Variants in DERL2 observed in about 807,000 individuals in gnomAD.
The protein encoded by DERL2 is derlin-2.
A neutral mutation model predicts 32.0 loss-of-function variants in DERL2; 13 were observed. That is an observed-to-expected ratio of 0.41 (90% CI 0.26 to 0.65). DERL2 has a LOEUF of 0.65. DERL2 is among the 30% of genes least tolerant of loss of function. The pLI is 0.35. For synonymous variants in DERL2, 111 were observed against 104.7 expected (o/e 1.06, Z -0.37); for missense variants, 208 against 296.3 (o/e 0.70, Z 2.19).
chr17:5,480,198 G>GAGTCA, intron 5 of DERL2, 54 bp from the exon 6 acceptor site: 1 of 1,337,410 alleles, frequency 7.5e-7, no homozygotes, highest in Non-Finnish European at 1.1e-6. Flanking sequence ...TTAGATTGCA[G>GAGTCA]GTAGACCTAC....
upstream of DERL2, chr17:5,486,356 G>GCCC (rs150601778): frequency 9.6e-4 from 363 of 379,896 alleles, 2 homozygotes; most frequent in East Asian, 4.8e-3. Flanking sequence ...CGTCGCCACC[G>GCCC]CCCCCCCCCA....
intron 4 of DERL2, chr17:5,480,887 T>A (rs1905732654): frequency 2.1e-6 from 1 of 465,298 alleles, no homozygotes; most frequent in East Asian, 3.4e-5. Context: ...TGCTCACGAT[T>A]AGCACCTTTA....
intron 6 of DERL2, among the ~76,000 whole-genome samples, chr17:5,478,684 C>G (rs943552439): frequency 6.6e-6 from 1 of 152,140 alleles, no homozygotes; most frequent in Non-Finnish European, 1.5e-5. Flanking sequence ...GAAGAGAAAA[C>G]CAAGCACTAA....
At position 5,472,119 on chromosome 17, in the gene DERL2, T is replaced by C. The variant is rs1437113495; in HGVS notation, c.*2565A>G. The C allele has an allele frequency of 1.3e-5, 2 of 152,246 alleles. No homozygotes were observed. The highest frequency in any genetic ancestry group is 4.8e-5 in the African/African-American group (2 of 41,458). 9.4% of individuals were successfully genotyped at this position (152,246 alleles called of 1,614,324 possible). Reference sequence around the variant, plus strand: ...ATGTATCTCCTAAGGAGATGCAATTTGTATGTCCATTTATTTTTAAATGAA... The same window carrying C: ...ATGTATCTCCTAAGGAGATGCAATTCGTATGTCCATTTATTTTTAAATGAA... On this transcript the variant is annotated 3_prime_UTR_variant, in exon 7 of 7. Transcript: ENST00000158771.
In DERL2 at chr17:5,481,212, G is replaced by C. The variant is rs1905758114; in HGVS notation, c.327+84C>G. ...GATAGTGCCCTGAAGCTAAGATCTA[G>C]AGAACTGTGGGAGACAGATGACAAG... is the stretch of plus-strand genomic sequence containing the variant. On this transcript the variant is annotated intron_variant, in intron 4 of 6. Coordinates refer to ENST00000158771, the MANE Select transcript of DERL2 (RefSeq NM_016041.5). This position sits in a 1 kb window ranked among gnomAD's most constrained non-coding sequence, Gnocchi z 4.4. 2 of 999,926 alleles carry C rather than the reference G, an allele frequency of 2.0e-6. No homozygotes were observed. Among genetic ancestry groups the C allele is most frequent in the South Asian group, 1.3e-5 (1 of 76,240 alleles). The allele number at this position is 999,926 out of a possible 1,614,324, so 61.9% of individuals were successfully genotyped here.
rs1192227824 is a variant in DERL2, at chr17:5,474,884, TAGGTAAGC to T, written c.615-103_615-96del. The T allele has an allele frequency of 5.8e-5, 43 of 745,308 alleles. No homozygotes were observed. The highest frequency in any genetic ancestry group is 8.9e-5 in the Non-Finnish European group (41 of 462,296). The allele number at this position is 745,308 out of a possible 1,614,324, so 46.2% of individuals were successfully genotyped here. A position where few individuals can be genotyped will look rare whatever the true frequency, so the allele number is the denominator to read the frequency against. On this transcript the variant is annotated intron_variant, in intron 6 of 6. Transcript: ENST00000158771. This position sits in a 1 kb window ranked among gnomAD's most constrained non-coding sequence, Gnocchi z 4.3. Reference sequence around the variant, plus strand: ...TCAGGCCCCATAGGGTTTCCACCAATAGGTAAGCATTACACCTGCCTGCCAATTAAACA... The same window carrying T: ...TCAGGCCCCATAGGGTTTCCACCAATATTACACCTGCCTGCCAATTAAACA...
rs762278967 is a variant in DERL2 at position 5,485,198 on chromosome 17, G to C, written c.112C>G (p.Pro38Ala). ...TCAGGATTGAAGTACAACTGAAAAG[G>C]TGTGATCAATTCCAACTGCTGAAAT... is the stretch of plus-strand genomic sequence containing the variant. ...TAAVQLELIT[P>A]FQLYFNPELI... The change falls in exon 2 of 7, where the codon CCT becomes GCT. Residue 38 changes from proline to alanine, a missense_variant. Transcript: ENST00000158771. The C allele has an allele frequency of 6.3e-7, 1 of 1,594,338 alleles. No individual in the cohort carries two copies. The highest frequency in any genetic ancestry group is 1.8e-5 in the Admixed American group (1 of 55,200).
intron 6 of DERL2, among the ~76,000 whole-genome samples, chr17:5,479,160 G>A (rs1905590026): frequency 1.3e-5 from 2 of 152,148 alleles, no homozygotes; most frequent in Non-Finnish European, 2.9e-5. Context: ...CCCAAGAAGA[G>A]CAGTGGCTGT....
chr17:5,481,650 C>CTT lies in DERL2; in HGVS notation c.234-263_234-262dup, dbSNP rs200101521. Among the ~76,000 whole-genome samples, 1 of 145,762 alleles carries CTT rather than the reference C, an allele frequency of 6.9e-6. No homozygotes were observed. On this transcript the variant is annotated intron_variant, in intron 3 of 6. Coordinates refer to ENST00000158771, the MANE Select transcript of DERL2 (RefSeq NM_016041.5). The surrounding 1 kb of genome is among the most constrained non-coding windows in gnomAD (Gnocchi z 4.4). ...ACAGACATGCTTTCAGTCCCCTATTCTTTTTTTTTTTTCTTTTGAGACAGA... is the reference window on the plus strand; with the variant it reads ...ACAGACATGCTTTCAGTCCCCTATTCTTTTTTTTTTTTTTCTTTTGAGACAGA...
intron 6 of DERL2, among the ~76,000 whole-genome samples, chr17:5,478,547 C>T (rs3865350): frequency 0.6 from 91,564 of 152,124 alleles, 30,237 homozygotes; most frequent in East Asian, 0.97. Flanking sequence ...AAATGTAAAC[C>T]TGAACATCCA....
chr17:5,476,805 C>A (rs1905416989), intron 6 of DERL2, among the ~76,000 whole-genome samples: 1 of 152,052 alleles, frequency 6.6e-6, no homozygotes, highest in Non-Finnish European at 1.5e-5. Context: ...ACAACAAAAA[C>A]AAAACTGAGA....
chr17:5,484,295 G>A (rs1173719666), intron 2 of DERL2, among the ~76,000 whole-genome samples: 1 of 152,234 alleles, frequency 6.6e-6, no homozygotes, highest in Non-Finnish European at 1.5e-5. Context: ...CTCCCAGGCT[G>A]GAGTGCAATG....
At chr17:5,480,354 A>C (rs752629404) in intron 5 of DERL2, 33 bp downstream of exon 5, 2 of 1,577,198 alleles carry the variant, frequency 1.3e-6, no homozygotes, top group South Asian at 1.2e-5. Flanking sequence ...TTTACAGGTA[A>C]AATAATTTAA....
In DERL2 at chr17:5,477,223, T is replaced by G. The variant is rs1332536509; in HGVS notation, c.615-2434A>C. Among the ~76,000 whole-genome samples, 3 of 152,242 alleles carry G rather than the reference T, an allele frequency of 2.0e-5. No individual in the cohort carries two copies. In the East Asian group the frequency reaches 5.8e-4, roughly 29 times the overall value. On this transcript the variant is annotated intron_variant, in intron 6 of 6. Transcript: ENST00000158771. ...GAACACAGATGAGTCTCAAAAACAT[T>G]ATGTTGAATGAAAGAAGCCTTATAC...
intron 4 of DERL2, 179 bp from the exon 5 acceptor site, chr17:5,480,761 T>G: frequency 2.0e-6 from 1 of 505,528 alleles, no homozygotes; most frequent in African/African-American, 2.0e-5. Context: ...GGCAAAAATC[T>G]GCTTAGGCTA....
intron 3 of DERL2, among the ~76,000 whole-genome samples, chr17:5,482,034 C>T (rs1245540269): frequency 1.3e-5 from 2 of 152,326 alleles, no homozygotes; most frequent in East Asian, 3.9e-4. Context: ...TGCTTTCCCA[C>T]ATCCTAACTT....
intron 6 of DERL2, among the ~76,000 whole-genome samples, 177 bp downstream of exon 6, chr17:5,479,877 C>G (rs1020641389): frequency 6.6e-6 from 1 of 152,174 alleles, no homozygotes. Flanking sequence ...ACAACCCTGG[C>G]ACTGTCTGCT....
rs1414230259 is a variant in DERL2, at chr17:5,472,084, T to C, written c.*2600A>G. 1.3e-5 allele frequency: 2 copies of C among 152,218 alleles called. No homozygotes were observed. The highest frequency in any genetic ancestry group is 2.9e-5 in the Non-Finnish European group (2 of 68,040). The allele number at this position is 152,218 out of a possible 1,614,324, so 9.4% of individuals were successfully genotyped here. A position where few individuals can be genotyped will look rare whatever the true frequency, so the allele number is the denominator to read the frequency against. On this transcript the variant is annotated 3_prime_UTR_variant, in exon 7 of 7. Transcript: ENST00000158771. Reference sequence around the variant, plus strand: ...CATACTGGAAAAAAACGCACCGAAATGTATATAAAATGTATCTCCTAAGGA... The same window carrying C: ...CATACTGGAAAAAAACGCACCGAAACGTATATAAAATGTATCTCCTAAGGA...
chr17:5,477,020 G>A (rs768291058), intron 6 of DERL2, among the ~76,000 whole-genome samples: 3 of 152,178 alleles, frequency 2.0e-5, no homozygotes, highest in Admixed American at 1.3e-4. Flanking sequence ...CCATATGGGA[G>A]AGGTGGAGAC....
Sources: allele counts gnomAD v4.1 joint callset (sites outside exome capture counted in the v4.1 genomes callset), GRCh38; gene constraint gnomAD v4.1.1; non-coding constraint Gnocchi (gnomAD v3.1); transcripts MANE v1.5; gene names NCBI Gene and HGNC (gene_info 2026-07-23, HGNC 2026-07-21).